Variants in CCDC3 observed in about 807,000 individuals in gnomAD.
CCDC3 encodes coiled-coil domain-containing protein 3.
Under a neutral mutation model 21.4 loss-of-function variants are expected in CCDC3, and 24 were observed. The observed-to-expected ratio is 1.12, with a 90% CI of 0.81 to 1.58. The LOEUF is 1.58. Among genes scored for constraint, CCDC3 ranks in the 40% most tolerant of loss-of-function variants. The pLI, the probability that CCDC3 is intolerant of heterozygous loss-of-function variation, is 0.00. For synonymous variants in CCDC3, 186 were observed against 166.0 expected, an observed-to-expected ratio of 1.12 and a Z score of -0.93; for missense variants, 425 against 360.9, an observed-to-expected ratio of 1.18 and a Z score of -1.44.
At chr10:13,048,624 G>A (rs189028866) in intron 5 of CCDC3, among the ~76,000 whole-genome samples, 1 of 152,232 alleles carries the variant, frequency 6.6e-6, no homozygotes, top group Admixed American at 6.5e-5. Flanking sequence ...AGGTTTCTAT[G>A]ATATTCACTT....
intron 5 of CCDC3, among the ~76,000 whole-genome samples, chr10:13,009,065 T>G (rs1103882): frequency 0.81 from 123,008 of 151,870 alleles, 50,610 homozygotes; most frequent in Non-Finnish European, 0.88. Flanking sequence ...GAATTCATAA[T>G]CAAGTTTAAT....
At chr10:12,995,305 G>A (rs1250113971) in intron 2 of CCDC3, among the ~76,000 whole-genome samples, 1 of 152,118 alleles carries the variant, frequency 6.6e-6, no homozygotes, top group East Asian at 1.9e-4. Context: ...GCAGTGGCAC[G>A]ATCTCTGCTC....
chr10:12,929,036 G>C (rs1370628025), intron 2 of CCDC3, among the ~76,000 whole-genome samples: 1 of 152,058 alleles, frequency 6.6e-6, no homozygotes, highest in Non-Finnish European at 1.5e-5. Flanking sequence ...GGCCTAGGTG[G>C]GTGGATCATG....
At chr10:12,935,141 G>GT (rs1357362805) in intron 2 of CCDC3, among the ~76,000 whole-genome samples, 6 of 151,990 alleles carry the variant, frequency 3.9e-5, no homozygotes, top group Non-Finnish European at 8.8e-5. Context: ...GCCTTCCAAA[G>GT]TGTTGGGATT....
intron 2 of CCDC3, among the ~76,000 whole-genome samples, chr10:12,996,755 A>G (rs774642244): frequency 1.3e-5 from 2 of 152,154 alleles, no homozygotes; most frequent in Non-Finnish European, 2.9e-5. Context: ...CTCCCTTTGA[A>G]GCGGGTTTGA....
intron 4 of CCDC3, among the ~76,000 whole-genome samples, chr10:13,059,801 T>TTGTTTTGGCCGGGCGCGG (rs1836731467): frequency 2.0e-5 from 3 of 152,042 alleles, no homozygotes; most frequent in African/African-American, 7.2e-5. Context: ...TAAAAAAACA[T>TTGTTTTGGCCGGGCGCGG]TGTTTTGGCC....
chr10:13,009,660 T>C (rs554176978), intron 5 of CCDC3, among the ~76,000 whole-genome samples: 1 of 152,330 alleles, frequency 6.6e-6, no homozygotes, highest in South Asian at 2.1e-4. Flanking sequence ...GATAATTCAT[T>C]GGAAATTGAT....
chr10:13,062,491 T>C (rs1417887259), intron 4 of CCDC3, among the ~76,000 whole-genome samples: 1 of 152,158 alleles, frequency 6.6e-6, no homozygotes, highest in Non-Finnish European at 1.5e-5. Flanking sequence ...CAAACAGTCT[T>C]AAATGTTTTC....
intron 2 of CCDC3, among the ~76,000 whole-genome samples, chr10:12,937,679 C>T (rs12254466): frequency 0.13 from 19,637 of 152,158 alleles, 1,379 homozygotes; most frequent in African/African-American, 0.2. Context: ...GTTTAAAAAC[C>T]CTTGTTCCAT....
At chr10:12,942,630 C>A (rs1834850554) in intron 2 of CCDC3, among the ~76,000 whole-genome samples, 1 of 152,142 alleles carries the variant, frequency 6.6e-6, no homozygotes, top group South Asian at 2.1e-4. Flanking sequence ...CAGGTAGAGA[C>A]CCCATCTGCA....
At chr10:13,037,188 T>A (rs1431510933) in intron 5 of CCDC3, among the ~76,000 whole-genome samples, 1 of 152,182 alleles carries the variant, frequency 6.6e-6, no homozygotes, top group African/African-American at 2.4e-5. Flanking sequence ...ATGTCTAAAA[T>A]AGCGTACAAG....
At chr10:12,903,591 C>A (rs11258054) in intron 2 of CCDC3, among the ~76,000 whole-genome samples, 19,171 of 152,216 alleles carry the variant, frequency 0.13, 1,425 homozygotes, top group East Asian at 0.26. Flanking sequence ...GCAACAGACT[C>A]CTCATAGGCA....
intron 5 of CCDC3, among the ~76,000 whole-genome samples, chr10:13,045,580 C>T (rs901385813): frequency 5.9e-5 from 9 of 151,980 alleles, no homozygotes; most frequent in East Asian, 3.9e-4. Context: ...ATTGCACCAC[C>T]GTACTCCAGC....
chr10:13,078,476 G>T (rs962040194), intron 3 of CCDC3, among the ~76,000 whole-genome samples: 2 of 152,216 alleles, frequency 1.3e-5, no homozygotes, highest in African/African-American at 4.8e-5. Flanking sequence ...TCTAGAACTA[G>T]AAATACCATT....
chr10:12,968,202 T>TACATACACACACACAC lies in CCDC3; in HGVS notation c.549+30135_549+30136insGTGTGTGTGTGTATGT, dbSNP rs1554757156. ...AAAAGAAAATACAAACACACACACA[T>TACATACACACACACAC]ACACACACACACACACACACACAGA... On this transcript the variant is annotated intron_variant, in intron 2 of 2. Coordinates refer to ENST00000378825, the MANE Select transcript of CCDC3 (RefSeq NM_031455.4). Among the ~76,000 whole-genome samples the TACATACACACACACAC allele has an allele frequency of 4.9e-5, 7 of 143,488 alleles. No individual in the cohort carries two copies. In the Admixed American group the frequency reaches 5.0e-4, roughly 10 times the overall value. 94.1% of individuals were successfully genotyped at this position (143,488 alleles called of 152,430 possible). A position where few individuals can be genotyped will look rare whatever the true frequency, so the allele number is the denominator to read the frequency against.
chr10:12,948,088 G>C (rs1198555695), intron 2 of CCDC3, among the ~76,000 whole-genome samples: 1 of 152,160 alleles, frequency 6.6e-6, no homozygotes, highest in African/African-American at 2.4e-5. Context: ...GGTTGTGGCA[G>C]GTAACTGAAT....
At chr10:12,983,151 T>C (rs1246299514) in intron 2 of CCDC3, among the ~76,000 whole-genome samples, 1 of 60,520 alleles carries the variant, frequency 1.7e-5, no homozygotes, top group African/African-American at 5.8e-5. Context: ...TATATATATA[T>C]ATATATATAT....
At chr10:12,911,941 C>G (rs890915378) in intron 2 of CCDC3, among the ~76,000 whole-genome samples, 1 of 152,136 alleles carries the variant, frequency 6.6e-6, no homozygotes, top group Admixed American at 6.5e-5. Context: ...TTAATATCCT[C>G]CAGTTTCATC....
At chr10:13,023,549 C>T (rs998939098) in intron 5 of CCDC3, among the ~76,000 whole-genome samples, 3 of 152,118 alleles carry the variant, frequency 2.0e-5, no homozygotes, top group Non-Finnish European at 4.4e-5. Context: ...CCAGTCACAC[C>T]ACTCTTGCTA....
Sources: gnomAD v4.1 joint callset for allele counts (sites outside exome capture counted in the v4.1 genomes callset) on GRCh38, gnomAD v4.1.1 for gene constraint, MANE v1.5 for transcripts, NCBI Gene and HGNC (gene_info 2026-07-23, HGNC 2026-07-21) for gene names.